The following PTPRD variants were observed in gnomAD, a reference collection of about 807,000 sequenced individuals.
PTPRD encodes protein tyrosine phosphatase receptor type D, also known as receptor-type tyrosine-protein phosphatase delta.
PTPRD carries 34 observed loss-of-function variants against 214.5 expected under a neutral mutation model. That is an observed-to-expected ratio of 0.16 (90% CI 0.12 to 0.21). The LOEUF (loss-of-function observed/expected upper bound fraction) is 0.21, where lower values mean the gene tolerates loss of function less well. Among genes scored for constraint, PTPRD ranks in the 10% least tolerant of loss-of-function variants. PTPRD has a pLI of 1.00. For synonymous variants in PTPRD, 1,128 were observed against 845.7 expected, an observed-to-expected ratio of 1.33 and a Z score of -5.79; for missense variants, 2,545 against 2,398.7, an observed-to-expected ratio of 1.06 and a Z score of -1.27.
chr9:8,959,278 A>C (rs970793729), intron 11 of PTPRD, among the ~76,000 whole-genome samples: 2 of 152,000 alleles, frequency 1.3e-5, no homozygotes, highest in African/African-American at 4.8e-5. Context: ...GATGCTATGG[A>C]AACATAATGG....
intron 3 of PTPRD, among the ~76,000 whole-genome samples, chr9:10,302,829 C>A (rs2095907711): frequency 6.6e-6 from 1 of 152,098 alleles, no homozygotes; most frequent in Non-Finnish European, 1.5e-5. Flanking sequence ...ACTGTAACAC[C>A]CCACTGTCAA....
At chr9:8,921,048 T>A (rs2890835) in intron 11 of PTPRD, among the ~76,000 whole-genome samples, 114,157 of 152,070 alleles carry the variant, frequency 0.75, 43,077 homozygotes, top group East Asian at 0.89. Context: ...TCCTGACCTC[T>A]GGCAATCCGC....
At chr9:10,185,294 A>C (rs763700198) in intron 3 of PTPRD, among the ~76,000 whole-genome samples, 13 of 152,206 alleles carry the variant, frequency 8.5e-5, no homozygotes, top group Non-Finnish European at 1.9e-4. Context: ...AGAGAAGAAA[A>C]TAAAAGCCAC....
intron 9 of PTPRD, among the ~76,000 whole-genome samples, chr9:9,318,580 A>AT (rs1964679257): frequency 6.6e-6 from 1 of 152,144 alleles, no homozygotes; most frequent in African/African-American, 2.4e-5. Context: ...CTAGATTTTA[A>AT]TTTTTTCTGC....
intron 2 of PTPRD, among the ~76,000 whole-genome samples, chr9:10,443,540 C>T (rs2098776062): frequency 6.6e-6 from 1 of 151,664 alleles, no homozygotes; most frequent in South Asian, 2.1e-4. Context: ...TTGAAATTCT[C>T]TTTCAAATAC....
intron 3 of PTPRD, among the ~76,000 whole-genome samples, chr9:10,220,607 A>G (rs1034398434): frequency 1.3e-5 from 2 of 151,974 alleles, no homozygotes; most frequent in Non-Finnish European, 2.9e-5. Context: ...TTTTAAATTT[A>G]TATTAAAATA....
Position 9,145,498 on chromosome 9 carries a change from C to T in PTPRD, c.-143+37806G>A, listed in dbSNP as rs536546350. ...TCAAGAATACCTGGTCATCACAATG[C>T]TTTAATTTCTAAGTTAAATATAAGA... is the stretch of plus-strand genomic sequence containing the variant. On this transcript the variant is annotated intron_variant, in intron 10 of 45. Transcript: ENST00000381196. 1.9e-3 allele frequency among the ~76,000 whole-genome samples: 283 copies of T among 152,134 alleles called. 1 individual carries two copies. Among genetic ancestry groups the T allele is most frequent in the Non-Finnish European group, 3.3e-3 (227 of 68,006 alleles).
At chr9:9,226,469 C>T (rs151097351) in intron 9 of PTPRD, among the ~76,000 whole-genome samples, 86 of 151,624 alleles carry the variant, frequency 5.7e-4, no homozygotes, top group African/African-American at 2.0e-3. Flanking sequence ...AAAACTCAGC[C>T]CAGGGAATTT....
At chr9:8,925,846 G>C (rs1422021275) in intron 11 of PTPRD, among the ~76,000 whole-genome samples, 3 of 139,498 alleles carry the variant, frequency 2.2e-5, no homozygotes, top group Non-Finnish European at 4.5e-5. Flanking sequence ...TTGTCAGCTG[G>C]ACTATTGCAA....
chr9:10,229,171 A>G (rs1037800788), intron 3 of PTPRD, among the ~76,000 whole-genome samples: 2 of 152,100 alleles, frequency 1.3e-5, no homozygotes, highest in African/African-American at 4.8e-5. Context: ...CACACCAATT[A>G]GAATGGCGAT....
chr9:8,856,389 G>T (rs2097916180), intron 11 of PTPRD, among the ~76,000 whole-genome samples: 1 of 152,130 alleles, frequency 6.6e-6, no homozygotes, highest in Non-Finnish European at 1.5e-5. Flanking sequence ...GGTTAGAAAA[G>T]AATACACCAA....
intron 11 of PTPRD, among the ~76,000 whole-genome samples, chr9:8,982,911 A>G (rs1390637702): frequency 6.6e-6 from 1 of 152,062 alleles, no homozygotes; most frequent in Non-Finnish European, 1.5e-5. Flanking sequence ...TAGCTTCCAT[A>G]AGATAATGTG....
intron 2 of PTPRD, among the ~76,000 whole-genome samples, chr9:10,562,733 G>C (rs1423124334): frequency 3.9e-5 from 6 of 152,042 alleles, no homozygotes; most frequent in Non-Finnish European, 5.9e-5. Flanking sequence ...GCATAGAATA[G>C]TCCAAATGAC....
At chr9:9,882,245 A>G in intron 5 of PTPRD, among the ~76,000 whole-genome samples, 1 of 151,920 alleles carries the variant, frequency 6.6e-6, no homozygotes, top group Non-Finnish European at 1.5e-5. Context: ...CATTTTTTTG[A>G]TTGTAAGCAG....
intron 5 of PTPRD, among the ~76,000 whole-genome samples, chr9:9,769,212 A>G (rs1278945440): frequency 1.3e-5 from 2 of 151,598 alleles, no homozygotes; most frequent in South Asian, 2.1e-4. Context: ...GGTGGACGAT[A>G]TATTTTGTAA....
chr9:9,504,143 G>C (rs2096511015), intron 8 of PTPRD, among the ~76,000 whole-genome samples: 2 of 151,620 alleles, frequency 1.3e-5, no homozygotes, highest in African/African-American at 4.8e-5. Flanking sequence ...TATTTGGGTT[G>C]ACAGTTGAAA....
chr9:9,315,074 A>C (rs951375111), intron 9 of PTPRD, among the ~76,000 whole-genome samples: 3 of 152,026 alleles, frequency 2.0e-5, no homozygotes, highest in African/African-American at 7.2e-5. Context: ...AGGCCAACTA[A>C]AGTTGTCATT....
intron 39 of PTPRD, among the ~76,000 whole-genome samples, chr9:8,355,255 AC>A (rs2076685701): frequency 6.6e-6 from 1 of 151,972 alleles, no homozygotes; most frequent in Non-Finnish European, 1.5e-5. Context: ...CTTCCACCAA[AC>A]TTCCTGGGGC....
intron 2 of PTPRD, among the ~76,000 whole-genome samples, chr9:10,576,022 T>C (rs1591309021): frequency 6.6e-6 from 1 of 152,186 alleles, no homozygotes; most frequent in Admixed American, 6.5e-5. Context: ...AAGGAACATA[T>C]GCATTAGAAA....
Sources: allele counts gnomAD v4.1 joint callset (sites outside exome capture counted in the v4.1 genomes callset), GRCh38; gene constraint gnomAD v4.1.1; transcripts MANE v1.5; gene names NCBI Gene and HGNC (gene_info 2026-07-23, HGNC 2026-07-21).